PAXIP1: variants seen among roughly 807,000 people sequenced by gnomAD.
The protein encoded by PAXIP1 is PAX-interacting protein 1.
In PAXIP1, 19 loss-of-function variants were observed where a neutral mutation model predicts 140.6. The observed-to-expected ratio is 0.14, with a 90% CI of 0.09 to 0.20. The LOEUF is 0.20. Ranked by LOEUF, PAXIP1 falls within the 10% of genes least tolerant of loss-of-function variation. The pLI is 1.00. For synonymous variants in PAXIP1, 442 were observed against 444.6 expected (o/e 0.99, Z 0.07); for missense variants, 920 against 1,208.6 (o/e 0.76, Z 3.54).
intron 7 of PAXIP1, 82 bp downstream of exon 7, chr7:154,968,321 C>T (rs748031244): frequency 2.6e-5 from 30 of 1,159,076 alleles, no homozygotes; most frequent in Middle Eastern, 4.3e-4. Flanking sequence ...TATGAATCCT[C>T]ACCCCACACT....
At chr7:154,981,509 C>A (rs1006165797) in intron 5 of PAXIP1, among the ~76,000 whole-genome samples, 2 of 152,138 alleles carry the variant, frequency 1.3e-5, no homozygotes, top group Non-Finnish European at 2.9e-5. Flanking sequence ...AAATACATTA[C>A]ATAAGACAAT....
In PAXIP1 at chr7:154,963,129, C is replaced by A. The variant is rs557425654; in HGVS notation, c.1989+542G>T. The stretch of plus-strand genomic sequence containing the variant: ...CAGAATCCTGCGTCCCTTCACCGTG[C>A]ACAGAGAGCAGCTGGAATGGTGACT... On this transcript the variant is annotated intron_variant, in intron 9 of 20. Coordinates refer to ENST00000404141, the MANE Select transcript of PAXIP1 (RefSeq NM_007349.4). The surrounding 1 kb of genome is among the most constrained non-coding windows in gnomAD (Gnocchi z 4.1). Among the ~76,000 whole-genome samples the A allele has an allele frequency of 6.6e-6, 1 of 152,266 alleles. No individual in the cohort carries two copies. Among genetic ancestry groups the A allele is most frequent in the South Asian group, 2.1e-4 (1 of 4,818 alleles).
rs1470181149 is a variant in PAXIP1 at position 154,957,272 on chromosome 7, A to G, written c.2501T>C (p.Leu834Pro). 1.2e-6 allele frequency: 2 copies of G among 1,606,030 alleles called. No individual in the cohort carries two copies. The highest frequency in any genetic ancestry group is 8.5e-7 in the Non-Finnish European group (1 of 1,174,424). Residue 834 changes from leucine (L) to proline (P), a missense_variant, in exon 14 of 21, where the codon CTG becomes CCG. Coordinates refer to ENST00000404141, the MANE Select transcript of PAXIP1 (RefSeq NM_007349.4). ...LLMSIRLPPK[L>P]KQNEVANVQP... The stretch of plus-strand genomic sequence containing the variant: ...GACATTAGCTACTTCATTCTGTTTC[A>G]GTTTGGGAGGTAGTCTTATACTCTG...
rs565038119 is a variant in PAXIP1, at chr7:154,983,418, A to C, written c.325-86T>G. 3 of 672,688 alleles carry C rather than the reference A, an allele frequency of 4.5e-6. No individual in the cohort carries two copies. The East Asian group carries it at 8.9e-5, about 20-fold the overall frequency. 41.7% of individuals were successfully genotyped at this position (672,688 alleles called of 1,614,324 possible). A position where few individuals can be genotyped will look rare whatever the true frequency, so the allele number is the denominator to read the frequency against. On this transcript the variant is annotated intron_variant, in intron 4 of 20. Transcript: ENST00000404141. Reference sequence around the variant, plus strand: ...TTCACTTTAGTAATATACTGCAACAATTCTGTTTCTCCCTTAATAAAATTA... The same window carrying C: ...TTCACTTTAGTAATATACTGCAACACTTCTGTTTCTCCCTTAATAAAATTA...
chr7:154,984,159 T>C (rs1809963289), intron 4 of PAXIP1, among the ~76,000 whole-genome samples: 1 of 152,202 alleles, frequency 6.6e-6, no homozygotes. Context: ...CAGGTCTGTC[T>C]ACACCCAGGT....
Position 154,976,233 on chromosome 7 carries a change from T to C in PAXIP1, c.537A>G (p.Ala179=). The C allele has an allele frequency of 6.2e-7, 1 of 1,614,042 alleles. No individual in the cohort carries two copies. ...CVSEKTKKDE[A]FYHPRLIIYE... ...AAATAATCAGACGAGGATGATAAAA[T>C]GCTTCGTCCTTTTTGGTTTTCTCTG... The change falls in exon 6 of 21, where the codon GCA becomes GCG. Residue 179 remains alanine (A), a synonymous_variant. Coordinates refer to ENST00000404141, the MANE Select transcript of PAXIP1 (RefSeq NM_007349.4).
Position 154,963,417 on chromosome 7 carries a change from G to A in PAXIP1, c.1989+254C>T, listed in dbSNP as rs536345248. Among the ~76,000 whole-genome samples, 16 of 151,740 alleles carry A rather than the reference G, an allele frequency of 1.1e-4. No individual in the cohort carries two copies. Among genetic ancestry groups the A allele is most frequent in the Non-Finnish European group, 2.2e-4 (15 of 67,906 alleles). ...TCTCAAACGCCTGACCTCGTGACCC[G>A]TCCACCTCGGCCTCCTGTCCGCCCT... On this transcript the variant is annotated intron_variant, in intron 9 of 20. Coordinates refer to ENST00000404141, the MANE Select transcript of PAXIP1 (RefSeq NM_007349.4). The surrounding 1 kb of genome is among the most constrained non-coding windows in gnomAD (Gnocchi z 4.1).
At chr7:154,995,912 G>A (rs1261394304) in intron 2 of PAXIP1, among the ~76,000 whole-genome samples, 3 of 152,178 alleles carry the variant, frequency 2.0e-5, no homozygotes, top group Admixed American at 1.3e-4. Flanking sequence ...AAAGGCCACT[G>A]AGAAAAATAT....
At chr7:155,002,824 G>A (rs768301190) in intron 1 of PAXIP1, 25 bp downstream of exon 1, 1 of 1,340,058 alleles carries the variant, frequency 7.5e-7, no homozygotes, top group South Asian at 1.5e-5. Flanking sequence ...GGGGGAGGAG[G>A]CCGCGGCAGG....
At chr7:154,952,699 G>A (rs920762991) in intron 16 of PAXIP1, among the ~76,000 whole-genome samples, 3 of 152,096 alleles carry the variant, frequency 2.0e-5, no homozygotes, top group African/African-American at 7.2e-5. Flanking sequence ...GAACAGAGGC[G>A]CTCAGGAACC....
At chr7:154,964,404 G>A (rs960650022) in intron 8 of PAXIP1, 4 of 152,176 alleles carry the variant, frequency 2.6e-5, no homozygotes, top group African/African-American at 9.7e-5. Context: ...CCTATTAGGT[G>A]AAATATAAAC....
intron 2 of PAXIP1, 139 bp from the exon 3 acceptor site, chr7:154,993,908 A>G (rs1810461064): frequency 1.6e-6 from 1 of 635,942 alleles, no homozygotes; most frequent in South Asian, 2.0e-5. Flanking sequence ...GAATATTCAA[A>G]TAGAAATATT....
rs368388852 is a variant in PAXIP1, at chr7:154,968,869, C to T, written c.1332G>A (p.Pro444=). The change falls in exon 7 of 21, where the codon CCG becomes CCA. Residue 444 remains proline (P), a synonymous_variant. Coordinates refer to ENST00000404141, the MANE Select transcript of PAXIP1 (RefSeq NM_007349.4). ...GCTGTTGCTGTGAAAATGGATGCGG[C>T]GGCTGCTGGGGGTAAGGTTGCTGAG... The part of the protein sequence containing the change: ...QISQQPYPQQ[P]PHPFSQQQQQ... 32 of 879,356 alleles carry T rather than the reference C, an allele frequency of 3.6e-5. No individual in the cohort carries two copies. The highest frequency in any genetic ancestry group is 5.3e-5 in the East Asian group (2 of 37,790). 54.5% of individuals were successfully genotyped at this position (879,356 alleles called of 1,614,324 possible).
In PAXIP1 at chr7:154,954,208, A is replaced by G. The variant is rs776979700; in HGVS notation, c.2821+47T>C. 3.3e-5 allele frequency: 43 copies of G among 1,292,428 alleles called. No homozygotes were observed. The highest frequency in any genetic ancestry group is 4.2e-5 in the Non-Finnish European group (41 of 984,246). 80.1% of individuals were successfully genotyped at this position (1,292,428 alleles called of 1,614,324 possible). A position where few individuals can be genotyped will look rare whatever the true frequency, so the allele number is the denominator to read the frequency against. ...AAAAGAGATGAATTCAAGAAAAAAA[A>G]AAGTTTATTTGGCATTAAAAGCAAA... On this transcript the variant is annotated intron_variant, in intron 16 of 20. Transcript: ENST00000404141. This position sits in a 1 kb window ranked among gnomAD's most constrained non-coding sequence, Gnocchi z 5.1.
chr7:155,001,826 G>C (rs1810913054), intron 1 of PAXIP1: 1 of 152,196 alleles, frequency 6.6e-6, no homozygotes, highest in Admixed American at 6.6e-5. Context: ...AGGGCAAAAA[G>C]GGTCCAAAAA....
rs1320393178 is a variant in PAXIP1, at chr7:154,944,234, ATTCATCATCCAGT to A, written c.3195-83_3195-71del. The A allele has an allele frequency of 1.9e-5, 26 of 1,404,618 alleles. No homozygotes were observed. The Admixed American group carries it at 2.3e-4, about 12-fold the overall frequency. The allele number at this position is 1,404,618 out of a possible 1,614,324, so 87.0% of individuals were successfully genotyped here. On this transcript the variant is annotated intron_variant, in intron 20 of 20. Coordinates refer to ENST00000404141, the MANE Select transcript of PAXIP1 (RefSeq NM_007349.4). Reference sequence around the variant, plus strand: ...AAAACATGAAACCAAGGGTTCCAACATTCATCATCCAGTTTCAGAGACACCCTTGAAGGAATGC... The same window carrying A: ...AAAACATGAAACCAAGGGTTCCAACATTCAGAGACACCCTTGAAGGAATGC...
At chr7:154,997,325 G>T (rs1236625933) in intron 2 of PAXIP1, among the ~76,000 whole-genome samples, 1 of 152,138 alleles carries the variant, frequency 6.6e-6, no homozygotes, top group African/African-American at 2.4e-5. Flanking sequence ...TGATCACAGT[G>T]CATGGCAGCC....
chr7:154,959,802 A>T, intron 13 of PAXIP1, 88 bp downstream of exon 13: 1 of 870,708 alleles, frequency 1.1e-6, no homozygotes, highest in Non-Finnish European at 1.9e-6. Context: ...AGTTACTAAA[A>T]TAATTTTTAA....
At chr7:154,974,263 T>A (rs1265853602) in intron 6 of PAXIP1, 1 of 152,196 alleles carries the variant, frequency 6.6e-6, no homozygotes, top group African/African-American at 2.4e-5. Context: ...AAACTCCAAC[T>A]CTATGTCCTC....
Sources: allele counts gnomAD v4.1 joint callset (sites outside exome capture counted in the v4.1 genomes callset), GRCh38; gene constraint gnomAD v4.1.1; non-coding constraint Gnocchi (gnomAD v3.1); transcripts MANE v1.5; gene names NCBI Gene and HGNC (gene_info 2026-07-23, HGNC 2026-07-21).